The following FBXO9 variants were observed in gnomAD, a reference collection of about 807,000 sequenced individuals.
FBXO9 encodes F-box protein 9, also known as F-box only protein 9.
A neutral mutation model predicts 63.7 loss-of-function variants in FBXO9; 43 were observed. The observed-to-expected ratio is 0.67, with a 90% CI of 0.53 to 0.87. The LOEUF (loss-of-function observed/expected upper bound fraction) is 0.87, where lower values mean the gene tolerates loss of function less well. Ranked by LOEUF, FBXO9 falls within the 40% of genes least tolerant of loss-of-function variation. The pLI, the probability that FBXO9 is intolerant of heterozygous loss-of-function variation, is 0.00. For synonymous variants in FBXO9, 156 were observed against 171.7 expected (o/e 0.91, Z 0.72); for missense variants, 442 against 533.2 (o/e 0.83, Z 1.68).
At chr6:53,092,604 T>C in intron 8 of FBXO9, 57 bp downstream of exon 8, 1 of 1,503,154 alleles carries the variant, frequency 6.7e-7, no homozygotes, top group Non-Finnish European at 9.2e-7. Flanking sequence ...CTGATTTTTA[T>C]AAATACGCCG....
chr6:53,085,892 G>C (rs905281258), intron 7 of FBXO9, among the ~76,000 whole-genome samples: 1 of 152,098 alleles, frequency 6.6e-6, no homozygotes, highest in African/African-American at 2.4e-5. Flanking sequence ...GCTCACGCCT[G>C]TAATCCCAGC....
chr6:53,077,795 G>C (rs1169363331), intron 4 of FBXO9, among the ~76,000 whole-genome samples: 1 of 152,148 alleles, frequency 6.6e-6, no homozygotes, highest in East Asian at 1.9e-4. Context: ...AGCCTTCATT[G>C]GTTTGTGAAA....
chr6:53,098,033 A>G lies in FBXO9; in HGVS notation c.*203A>G, dbSNP rs1289781143. 2.4e-5 allele frequency: 4 copies of G among 164,492 alleles called. No homozygotes were observed. Among genetic ancestry groups the G allele is most frequent in the African/African-American group, 1.1e-4 (4 of 37,478 alleles). The allele number at this position is 164,492 out of a possible 1,614,324, so 10.2% of individuals were successfully genotyped here. ...CTTTTAAGAAGAATATAAATTGATTATTTTTTTTATTTAAAGGGATAGTTG... is the reference window on the plus strand; with the variant it reads ...CTTTTAAGAAGAATATAAATTGATTGTTTTTTTTATTTAAAGGGATAGTTG... On this transcript the variant is annotated 3_prime_UTR_variant, in exon 13 of 13. Transcript: ENST00000323557.
chr6:53,071,007 G>A (rs1001807430), intron 1 of FBXO9, 50 bp from the exon 2 acceptor site: 2 of 1,551,990 alleles, frequency 1.3e-6, no homozygotes, highest in Admixed American at 2.0e-5. Context: ...ATTGCAGAGG[G>A]CAACTGGTGT....
At chr6:53,077,805 A>G (rs1042631773) in intron 4 of FBXO9, among the ~76,000 whole-genome samples, 2 of 152,196 alleles carry the variant, frequency 1.3e-5, no homozygotes, top group African/African-American at 4.8e-5. Flanking sequence ...GGTTTGTGAA[A>G]TTCGCATCTC....
At chr6:53,080,682 C>T (rs551641576) in intron 5 of FBXO9, among the ~76,000 whole-genome samples, 17 of 152,276 alleles carry the variant, frequency 1.1e-4, no homozygotes, top group African/African-American at 3.6e-4. Context: ...TGCAGTAACT[C>T]ATAAAATCTC....
intron 5 of FBXO9, among the ~76,000 whole-genome samples, chr6:53,079,135 C>A (rs894256661): frequency 6.6e-6 from 1 of 151,684 alleles, no homozygotes; most frequent in Non-Finnish European, 1.5e-5. Flanking sequence ...TACAAAAAAA[C>A]GGTTTAAAAA....
intron 7 of FBXO9, among the ~76,000 whole-genome samples, chr6:53,087,402 C>G (rs974047482): frequency 1.4e-5 from 2 of 147,326 alleles, no homozygotes; most frequent in African/African-American, 5.0e-5. Context: ...AACAGCAGAG[C>G]TAGAACTGGA....
chr6:53,079,621 A>G (rs563982576), intron 5 of FBXO9, among the ~76,000 whole-genome samples: 19 of 152,252 alleles, frequency 1.2e-4, no homozygotes, highest in Non-Finnish European at 2.9e-5. Context: ...CTATCTCCCA[A>G]AACTCAATTT....
chr6:53,081,632 T>G (rs1210412015), intron 6 of FBXO9, among the ~76,000 whole-genome samples: 1 of 152,252 alleles, frequency 6.6e-6, no homozygotes, highest in African/African-American at 2.4e-5. Flanking sequence ...TGTTTAAGGA[T>G]GCCATACCTT....
chr6:53,067,540 C>T (rs9296697), intron 1 of FBXO9, among the ~76,000 whole-genome samples: 8,302 of 152,124 alleles, frequency 0.055, 579 homozygotes, highest in African/African-American at 0.16. Context: ...GAGCAAGCAG[C>T]GTATGCAAGC....
chr6:53,080,922 C>T (rs756695968), intron 5 of FBXO9, 46 bp from the exon 6 acceptor site: 21 of 1,606,098 alleles, frequency 1.3e-5, no homozygotes, highest in East Asian at 4.5e-5. Context: ...CTAAACTGTA[C>T]GCTTGTAGAC....
chr6:53,069,988 G>A (rs189390815), intron 1 of FBXO9, among the ~76,000 whole-genome samples: 154 of 138,106 alleles, frequency 1.1e-3, no homozygotes, highest in Middle Eastern at 3.8e-3. Context: ...TTTTTTCTAA[G>A]AAGAATAATA....
chr6:53,072,108 A>G (rs981554309), intron 2 of FBXO9, among the ~76,000 whole-genome samples: 2 of 152,202 alleles, frequency 1.3e-5, no homozygotes, highest in Admixed American at 1.3e-4. Context: ...GAATGCTGCT[A>G]AAGATTCTGC....
At chr6:53,073,786 G>A in intron 3 of FBXO9, 147 bp downstream of exon 3, 1 of 629,822 alleles carries the variant, frequency 1.6e-6, no homozygotes, top group South Asian at 2.5e-5. Flanking sequence ...TAGTATACTA[G>A]TTTATATATT....
At chr6:53,094,747 G>A (rs911969244) in intron 11 of FBXO9, 18 of 442,426 alleles carry the variant, frequency 4.1e-5, no homozygotes, top group African/African-American at 1.0e-4. Context: ...TGTTGCTGGC[G>A]TCTCCACTTC....
chr6:53,073,066 T>G (rs2127488625), intron 2 of FBXO9, among the ~76,000 whole-genome samples: 1 of 152,338 alleles, frequency 6.6e-6, no homozygotes, highest in East Asian at 1.9e-4. Flanking sequence ...ACATTTTCTT[T>G]TTGAAATACA....
In FBXO9 at chr6:53,098,209, C is replaced by A; in HGVS notation, c.*379C>A. On this transcript the variant is annotated 3_prime_UTR_variant, in exon 13 of 13. Transcript: ENST00000323557. ...ATAAGTCGTCTTCTGCTTGAGTATC[C>A]TAATATTTCAATGCATCAGGGGAGC... is the stretch of plus-strand genomic sequence containing the variant. 2.8e-6 allele frequency: 1 copy of A among 351,048 alleles called. No individual in the cohort carries two copies. 21.7% of individuals were successfully genotyped at this position (351,048 alleles called of 1,614,324 possible).
intron 12 of FBXO9, among the ~76,000 whole-genome samples, chr6:53,096,314 G>A (rs540991981): frequency 2.0e-5 from 3 of 152,192 alleles, no homozygotes; most frequent in Admixed American, 6.5e-5. Flanking sequence ...GGCAATTAAG[G>A]TTAGCTCTTG....
Sources: allele counts gnomAD v4.1 joint callset (sites outside exome capture counted in the v4.1 genomes callset), GRCh38; gene constraint gnomAD v4.1.1; transcripts MANE v1.5; gene names NCBI Gene and HGNC (gene_info 2026-07-23, HGNC 2026-07-21).